Variants in RBFOX1 observed in about 807,000 individuals in gnomAD.
RBFOX1 encodes the protein RNA binding protein fox-1 homolog 1.
A neutral mutation model predicts 57.7 loss-of-function variants in RBFOX1; 8 were observed. The ratio of observed to expected loss-of-function variants is 0.14; its 90% confidence interval spans 0.08 to 0.25. The LOEUF is 0.25. RBFOX1 is among the 10% of genes least tolerant of loss of function. The probability of loss-of-function intolerance (pLI) is 1.00; values close to 1 mark genes in which losing one functional copy is unlikely to be tolerated. For missense variants in RBFOX1, 611 were observed against 548.5 expected, an observed-to-expected ratio of 1.11 and a Z score of -1.14; for synonymous variants, 326 against 222.4, an observed-to-expected ratio of 1.47 and a Z score of -4.15.
intron 1 of RBFOX1, among the ~76,000 whole-genome samples, chr16:6,145,719 A>G (rs1041305798): frequency 6.6e-6 from 1 of 152,202 alleles, no homozygotes. Flanking sequence ...GCATACGTCC[A>G]TTATTTAAAA....
At chr16:7,368,824 T>C (rs2097515329) in intron 4 of RBFOX1, among the ~76,000 whole-genome samples, 1 of 151,870 alleles carries the variant, frequency 6.6e-6, no homozygotes, top group South Asian at 2.1e-4. Flanking sequence ...TATGTCCTTC[T>C]ACAGTTTAGG....
chr16:5,540,766 C>G (rs4427803), intron 2 of RBFOX1, among the ~76,000 whole-genome samples: 41,437 of 152,172 alleles, frequency 0.27, 7,003 homozygotes, highest in East Asian at 0.86. Flanking sequence ...CTAGCAGCGT[C>G]AGAATCACCT....
intron 3 of RBFOX1, among the ~76,000 whole-genome samples, chr16:5,797,822 G>C (rs1175456032): frequency 6.6e-6 from 1 of 152,160 alleles, no homozygotes; most frequent in Non-Finnish European, 1.5e-5. Flanking sequence ...TGAGTGATGG[G>C]CTCATAATGA....
At chr16:5,891,989 G>A (rs1197025872) in intron 4 of RBFOX1, among the ~76,000 whole-genome samples, 4 of 152,218 alleles carry the variant, frequency 2.6e-5, no homozygotes, top group African/African-American at 9.6e-5. Flanking sequence ...TCTGTGCTGG[G>A]TATCGGGGAG....
At chr16:7,455,279 A>G (rs1465101074) in intron 4 of RBFOX1, among the ~76,000 whole-genome samples, 2 of 152,244 alleles carry the variant, frequency 1.3e-5, no homozygotes, top group Admixed American at 1.3e-4. Context: ...CCTTGGATAC[A>G]TCACCCTCCC....
At position 7,533,148 on chromosome 16, in the gene RBFOX1, G is replaced by A. The variant is rs376051738; in HGVS notation, c.270+14759G>A. Among the ~76,000 whole-genome samples the A allele has an allele frequency of 2.6e-5, 4 of 152,150 alleles. No homozygotes were observed. In the East Asian group the frequency reaches 5.8e-4, roughly 22 times the overall value. On this transcript the variant is annotated intron_variant, in intron 5 of 15. Coordinates refer to ENST00000550418, the MANE Select transcript of RBFOX1 (RefSeq NM_018723.4). ...GTGTACCCTTTTACCTGCATGGACT[G>A]GTCCTCATAGGCACTTGAGTATGAT...
chr16:7,664,718 TA>T, intron 12 of RBFOX1: 1 of 771,624 alleles, frequency 1.3e-6, no homozygotes. Flanking sequence ...CACCACATCC[TA>T]ATTCTGGGCC....
At chr16:6,367,748 T>TAA (rs566126562) in intron 2 of RBFOX1, among the ~76,000 whole-genome samples, 50,681 of 143,578 alleles carry the variant, frequency 0.35, 10,131 homozygotes, top group Middle Eastern at 0.54. Context: ...TTGCAATTGT[T>TAA]AAAAAAAAAA....
In RBFOX1 at chr16:5,598,921, C is replaced by A. The variant is rs1257578804; in HGVS notation, c.278C>A (p.Ser93Ter). 2 of 1,526,512 alleles carry A rather than the reference C, an allele frequency of 1.3e-6. No homozygotes were observed. The highest frequency in any genetic ancestry group is 8.8e-7 in the Non-Finnish European group (1 of 1,141,406). 94.6% of individuals were successfully genotyped at this position (1,526,512 alleles called of 1,614,324 possible). A position where few individuals can be genotyped will look rare whatever the true frequency, so the allele number is the denominator to read the frequency against. ...TGCCAGGACTACAAGTCTGAAAATT[C>A]AACCCTCCTCCCCGGTGCCAAGAAC... The change falls in exon 3 of 3, where the codon TCA (serine) becomes TAA (stop). Residue 93 changes from serine to a stop codon, truncating the protein, a stop_gained. Transcript: ENST00000585867. LOFTEE classifies it low-confidence loss of function (END_TRUNC).
chr16:5,340,454 C>T (rs772626120), intron 1 of RBFOX1, among the ~76,000 whole-genome samples: 26 of 152,218 alleles, frequency 1.7e-4, no homozygotes, highest in Non-Finnish European at 2.8e-4. Context: ...ATTCTATGAT[C>T]TGTCAGGGAT....
intron 3 of RBFOX1, among the ~76,000 whole-genome samples, chr16:5,685,210 A>G (rs977792888): frequency 7.9e-5 from 12 of 152,324 alleles, no homozygotes; most frequent in Admixed American, 6.5e-5. Flanking sequence ...TCACCAACCT[A>G]TTAAGGATAT....
At chr16:5,735,157 C>T (rs1176403839) in intron 3 of RBFOX1, among the ~76,000 whole-genome samples, 1 of 152,168 alleles carries the variant, frequency 6.6e-6, no homozygotes. Flanking sequence ...AGAGATATTA[C>T]CCCTGGCTAG....
chr16:7,275,539 C>T (rs1306498276), intron 4 of RBFOX1, among the ~76,000 whole-genome samples: 1 of 152,138 alleles, frequency 6.6e-6, no homozygotes, highest in African/African-American at 2.4e-5. Context: ...GGTATTTTTG[C>T]TCTTGCTGCT....
chr16:6,485,010 T>A (rs72760957), intron 2 of RBFOX1, among the ~76,000 whole-genome samples: 1 of 152,074 alleles, frequency 6.6e-6, no homozygotes, highest in African/African-American at 2.4e-5. Context: ...ATTTTTTGAT[T>A]TAAATGTGTG....
intron 2 of RBFOX1, among the ~76,000 whole-genome samples, chr16:6,535,417 T>C (rs2096721327): frequency 1.2e-5 from 1 of 85,094 alleles, no homozygotes; most frequent in Admixed American, 1.5e-4. Flanking sequence ...CCACCCTAAA[T>C]CACATCAGAA....
At chr16:7,335,043 A>C (rs1247515849) in intron 4 of RBFOX1, among the ~76,000 whole-genome samples, 1 of 152,180 alleles carries the variant, frequency 6.6e-6, no homozygotes, top group Non-Finnish European at 1.5e-5. Context: ...GGCTTTACTT[A>C]TGGTTTGCTG....
chr16:7,621,720 G>C (rs1291154239), intron 10 of RBFOX1, among the ~76,000 whole-genome samples: 2 of 152,202 alleles, frequency 1.3e-5, no homozygotes, highest in Non-Finnish European at 2.9e-5. Context: ...CTTAGTGCCA[G>C]CTCCCTTGGG....
At chr16:7,244,247 CAAAAAAAAAA>C (rs60054791) in intron 4 of RBFOX1, among the ~76,000 whole-genome samples, 17 of 99,230 alleles carry the variant, frequency 1.7e-4, no homozygotes, top group Admixed American at 2.3e-4. Flanking sequence ...CAAAGTATTC[CAAAAAAAAAA>C]AAAAAAAAAA....
intron 3 of RBFOX1, among the ~76,000 whole-genome samples, chr16:5,767,993 C>T (rs773392888): frequency 6.6e-6 from 1 of 152,130 alleles, no homozygotes; most frequent in African/African-American, 2.4e-5. Context: ...AAGAAACAGT[C>T]GGGCCACCCA....
Sources: gnomAD v4.1 joint callset for allele counts (sites outside exome capture counted in the v4.1 genomes callset) on GRCh38, gnomAD v4.1.1 for gene constraint, MANE v1.5 for transcripts, NCBI Gene and HGNC (gene_info 2026-07-23, HGNC 2026-07-21) for gene names.